The following KSR2 variants were observed in gnomAD, a reference collection of about 807,000 sequenced individuals.
The protein encoded by KSR2 is kinase suppressor of ras 2.
In KSR2, 25 loss-of-function variants were observed where a neutral mutation model predicts 107.8. That is an observed-to-expected ratio of 0.23 (90% confidence interval 0.17 to 0.32). The LOEUF is 0.32. Among genes scored for constraint, KSR2 ranks in the 10% least tolerant of loss-of-function variants. KSR2 has a pLI of 1.00. For missense variants in KSR2, 887 were observed against 1,268.9 expected, an observed-to-expected ratio of 0.70 and a Z score of 4.57; for synonymous variants, 480 against 507.0, an observed-to-expected ratio of 0.95 and a Z score of 0.71.
At chr12:117,673,074 T>G (rs1038769294) in intron 4 of KSR2, among the ~76,000 whole-genome samples, 3 of 152,202 alleles carry the variant, frequency 2.0e-5, no homozygotes, top group Non-Finnish European at 4.4e-5. Flanking sequence ...CCAGATCCTC[T>G]GGCAAGAAGA....
chr12:117,671,447 G>C (rs1028809730), intron 4 of KSR2, among the ~76,000 whole-genome samples: 4 of 152,158 alleles, frequency 2.6e-5, no homozygotes, highest in Non-Finnish European at 5.9e-5. Flanking sequence ...TGGTCTTTGA[G>C]GGCAATGACT....
intron 10 of KSR2, among the ~76,000 whole-genome samples, chr12:117,536,543 C>T (rs1192022745): frequency 6.6e-6 from 1 of 152,224 alleles, no homozygotes; most frequent in Non-Finnish European, 1.5e-5. Context: ...CTAGACTTTA[C>T]TGCACACATG....
intron 3 of KSR2, among the ~76,000 whole-genome samples, chr12:117,770,689 T>C (rs1889412575): frequency 6.6e-6 from 1 of 151,480 alleles, no homozygotes; most frequent in Non-Finnish European, 1.5e-5. Flanking sequence ...CAGTTATCGG[T>C]CGGGCGCGGT....
intron 14 of KSR2, among the ~76,000 whole-genome samples, chr12:117,504,756 A>G (rs1374251772): frequency 1.3e-5 from 2 of 152,202 alleles, no homozygotes; most frequent in Non-Finnish European, 2.9e-5. Flanking sequence ...TTTTAAAAAA[A>G]TCTTTGTTAA....
chr12:117,911,566 A>T (rs893643444), intron 1 of KSR2, among the ~76,000 whole-genome samples: 6 of 152,218 alleles, frequency 3.9e-5, no homozygotes, highest in African/African-American at 1.4e-4. Flanking sequence ...ACATTCTGCA[A>T]ATAAAACCTC....
At chr12:117,829,891 C>T (rs2592283) in intron 3 of KSR2, among the ~76,000 whole-genome samples, 11,954 of 152,278 alleles carry the variant, frequency 0.079, 645 homozygotes, top group Non-Finnish European at 0.12. Context: ...CTTAGCAAGT[C>T]TTCCTCTATT....
chr12:117,624,578 T>C (rs887679124), intron 5 of KSR2, among the ~76,000 whole-genome samples: 1 of 152,246 alleles, frequency 6.6e-6, no homozygotes, highest in African/African-American at 2.4e-5. Flanking sequence ...TGTATCTCTC[T>C]GTTTTGGTAC....
In KSR2 at chr12:117,517,399, CATT is replaced by C. The variant is rs376276267; in HGVS notation, c.2219+7450_2219+7452del. Among the ~76,000 whole-genome samples, 467 of 152,270 alleles carry C rather than the reference CATT, an allele frequency of 3.1e-3. 4 individuals carry two copies. The highest frequency in any genetic ancestry group is 9.0e-3 in the African/African-American group (373 of 41,560). On this transcript the variant is annotated intron_variant, in intron 14 of 19. Coordinates refer to ENST00000339824, the MANE Select transcript of KSR2 (RefSeq NM_173598.6). ...TCATTTTCTTCTTTCTGCTGATCTG[CATT>C]TGCAATTGCAAACAAGTCATTCACT...
chr12:117,794,261 A>C (rs1408832151), intron 3 of KSR2, among the ~76,000 whole-genome samples: 1 of 102,694 alleles, frequency 9.7e-6, no homozygotes, highest in Non-Finnish European at 1.8e-5. Flanking sequence ...GCACACATAC[A>C]CCAACATGCA....
At chr12:117,793,596 TACACCAACATGCACACTC>T (rs376101004) in intron 3 of KSR2, among the ~76,000 whole-genome samples, 2,205 of 94,156 alleles carry the variant, frequency 0.023, 21 homozygotes, top group South Asian at 0.052. Flanking sequence ...TATGCACACA[TACACCAACATGCACACTC>T]ACACCAACAT....
At chr12:117,793,293 CA>C (rs1384012723) in intron 3 of KSR2, among the ~76,000 whole-genome samples, 3 of 29,958 alleles carry the variant, frequency 1.0e-4, no homozygotes, top group African/African-American at 9.4e-4. Context: ...TGCAACATAC[CA>C]TACACACAAC....
At chr12:117,723,897 A>T (rs1468735430) in intron 4 of KSR2, among the ~76,000 whole-genome samples, 1 of 152,228 alleles carries the variant, frequency 6.6e-6, no homozygotes, top group Non-Finnish European at 1.5e-5. Context: ...ATAGATATCA[A>T]GAAAATCTCA....
intron 14 of KSR2, among the ~76,000 whole-genome samples, chr12:117,495,603 C>G (rs994887206): frequency 2.0e-5 from 3 of 152,210 alleles, no homozygotes; most frequent in Admixed American, 6.5e-5. Flanking sequence ...TAGCTGCCCA[C>G]GAGGGCACTG....
chr12:117,668,077 A>C (rs1884742534), intron 4 of KSR2, among the ~76,000 whole-genome samples: 1 of 152,194 alleles, frequency 6.6e-6, no homozygotes, highest in African/African-American at 2.4e-5. Flanking sequence ...GCTGTCCTCA[A>C]GTGAGTCCAG....
chr12:117,570,166 C>G (rs560894530), intron 7 of KSR2, among the ~76,000 whole-genome samples: 2 of 152,160 alleles, frequency 1.3e-5, no homozygotes, highest in Non-Finnish European at 2.9e-5. Flanking sequence ...CCGCGCCCGG[C>G]TAATTTTTTG....
rs1422981283 is a variant in KSR2, at chr12:117,456,722, G to C, written c.*10477C>G. ...ATCCTGGGACTGCCGGAAGCTCCAGGGATTTGATTCTAGGGGTAAAACAGC... is the reference window on the plus strand; with the variant it reads ...ATCCTGGGACTGCCGGAAGCTCCAGCGATTTGATTCTAGGGGTAAAACAGC... On this transcript the variant is annotated 3_prime_UTR_variant, in exon 20 of 20. Transcript: ENST00000339824. 2 of 152,122 alleles carry C rather than the reference G, an allele frequency of 1.3e-5. No homozygotes were observed. Among genetic ancestry groups the C allele is most frequent in the African/African-American group, 2.4e-5 (1 of 41,390 alleles). 9.4% of individuals were successfully genotyped at this position (152,122 alleles called of 1,614,324 possible). A position where few individuals can be genotyped will look rare whatever the true frequency, so the allele number is the denominator to read the frequency against.
intron 3 of KSR2, among the ~76,000 whole-genome samples, chr12:117,845,464 G>A (rs1459336274): frequency 6.6e-6 from 1 of 152,190 alleles, no homozygotes; most frequent in Non-Finnish European, 1.5e-5. Context: ...TCCCCAGAGA[G>A]GCTCGCTGTC....
intron 1 of KSR2, among the ~76,000 whole-genome samples, chr12:117,888,314 T>C (rs1451896583): frequency 6.6e-6 from 1 of 152,148 alleles, no homozygotes; most frequent in East Asian, 1.9e-4. Context: ...TGTTCCACCA[T>C]ATATCAAAAG....
At chr12:117,537,362 G>A (rs947967724) in intron 10 of KSR2, among the ~76,000 whole-genome samples, 1 of 152,182 alleles carries the variant, frequency 6.6e-6, no homozygotes, top group Non-Finnish European at 1.5e-5. Context: ...TTAATTAGCA[G>A]TGATGATGAG....
Sources: gnomAD v4.1 joint callset for allele counts (sites outside exome capture counted in the v4.1 genomes callset) on GRCh38, gnomAD v4.1.1 for gene constraint, MANE v1.5 for transcripts, NCBI Gene and HGNC (gene_info 2026-07-23, HGNC 2026-07-21) for gene names.